The following SLC22A4 variants were observed in gnomAD, a reference collection of about 807,000 sequenced individuals.
The protein encoded by SLC22A4 is ET transporter.
A neutral mutation model predicts 56.6 loss-of-function variants in SLC22A4; 39 were observed. The ratio of observed to expected loss-of-function variants is 0.69; its 90% CI spans 0.53 to 0.90. The LOEUF (loss-of-function observed/expected upper bound fraction) is 0.90. Among genes scored for constraint, SLC22A4 ranks in the 40% least tolerant of loss-of-function variants. The pLI, the probability that SLC22A4 is intolerant of heterozygous loss-of-function variation, is 0.00. For missense variants in SLC22A4, 594 were observed against 696.5 expected, an observed-to-expected ratio of 0.85 and a Z score of 1.66; for synonymous variants, 241 against 281.4, an observed-to-expected ratio of 0.86 and a Z score of 1.44.
rs1750585587 is a variant in SLC22A4 at position 132,322,932 on chromosome 5, G to A, written c.824+577G>A. On this transcript the variant is annotated intron_variant, in intron 4 of 9. Coordinates refer to ENST00000200652, the MANE Select transcript of SLC22A4 (RefSeq NM_003059.3). ...ACACAACAGTTATAGGAATAACAAA[G>A]TTTGAAGATTCTGGCCTCAGTCTTG... Among the ~76,000 whole-genome samples the A allele has an allele frequency of 1.3e-5, 2 of 152,174 alleles. 1 individual carries two copies. Among genetic ancestry groups the A allele is most frequent in the South Asian group, 4.1e-4 (2 of 4,838 alleles).
chr5:132,321,145 C>T (rs923285499), intron 3 of SLC22A4, among the ~76,000 whole-genome samples: 1 of 152,236 alleles, frequency 6.6e-6, no homozygotes, highest in Non-Finnish European at 1.5e-5. Flanking sequence ...TCAGGGAAAG[C>T]ACTGTGAGTT....
intron 8 of SLC22A4, among the ~76,000 whole-genome samples, chr5:132,340,066 T>G (rs201511463): frequency 0.047 from 776 of 16,572 alleles, 2 homozygotes; most frequent in African/African-American, 0.13. Context: ...CTTAGTTGTT[T>G]TTTTTTTTTT....
chr5:132,296,897 T>G (rs1225433657), intron 1 of SLC22A4, among the ~76,000 whole-genome samples: 1 of 140,944 alleles, frequency 7.1e-6, no homozygotes, highest in Non-Finnish European at 1.5e-5. Context: ...CTACTCATGT[T>G]GTACGCTGTT....
At chr5:132,309,087 T>A (rs1750114752) in intron 1 of SLC22A4, among the ~76,000 whole-genome samples, 1 of 152,106 alleles carries the variant, frequency 6.6e-6, no homozygotes, top group Admixed American at 6.5e-5. Flanking sequence ...CCAAGACATA[T>A]CCCTCAAACC....
intron 1 of SLC22A4, chr5:132,295,304 T>C (rs1047019509): frequency 1.3e-5 from 8 of 621,576 alleles, no homozygotes; most frequent in Admixed American, 4.3e-5. Flanking sequence ...AGATGTTGCG[T>C]TGGGGGAAGC....
At chr5:132,326,608 T>C (rs1750696138) in intron 4 of SLC22A4, among the ~76,000 whole-genome samples, 2 of 152,236 alleles carry the variant, frequency 1.3e-5, no homozygotes, top group Non-Finnish European at 1.5e-5. Context: ...GCAACTGTGT[T>C]TGAGCATCAG....
At chr5:132,302,555 A>T (rs569920645) in intron 1 of SLC22A4, among the ~76,000 whole-genome samples, 31 of 152,202 alleles carry the variant, frequency 2.0e-4, no homozygotes, top group Non-Finnish European at 2.4e-4. Flanking sequence ...GGAATGACCC[A>T]CATGCTCTAG....
chr5:132,305,395 C>CA (rs1392218178), intron 1 of SLC22A4, among the ~76,000 whole-genome samples: 1 of 151,818 alleles, frequency 6.6e-6, no homozygotes, highest in Non-Finnish European at 1.5e-5. Flanking sequence ...GAAAACTTCC[C>CA]AAATTTGGTG....
chr5:132,319,348 G>A (rs1260958093), intron 3 of SLC22A4, among the ~76,000 whole-genome samples: 2 of 150,816 alleles, frequency 1.3e-5, no homozygotes, highest in Non-Finnish European at 3.0e-5. Context: ...AAAAATGACA[G>A]CAGGATATGG....
At chr5:132,305,181 A>G (rs1749996299) in intron 1 of SLC22A4, among the ~76,000 whole-genome samples, 1 of 152,224 alleles carries the variant, frequency 6.6e-6, no homozygotes, top group African/African-American at 2.4e-5. Flanking sequence ...TGAACAGGCA[A>G]AAGAAAGAAT....
intron 3 of SLC22A4, 126 bp from the exon 4 acceptor site, chr5:132,322,058 C>G: frequency 1.1e-6 from 1 of 871,386 alleles, no homozygotes; most frequent in Non-Finnish European, 1.9e-6. Context: ...TGCTCTGGGC[C>G]ATGAGGCAAA....
At chr5:132,339,718 C>T (rs1382602036) in intron 8 of SLC22A4, among the ~76,000 whole-genome samples, 2 of 152,154 alleles carry the variant, frequency 1.3e-5, no homozygotes. Flanking sequence ...GACACTGGTA[C>T]ATAAGACAGG....
chr5:132,308,638 C>T (rs79557798), intron 1 of SLC22A4, among the ~76,000 whole-genome samples: 3,283 of 151,966 alleles, frequency 0.022, 119 homozygotes, highest in African/African-American at 0.076. Flanking sequence ...CAAGAGTGAC[C>T]TCCTATCCCC....
In SLC22A4 at chr5:132,322,091, G is replaced by C. The variant is rs3761659; in HGVS notation, c.653-93G>C. The C allele has an allele frequency of 0.079, 90,691 of 1,146,206 alleles. 4,789 individuals carry two copies. The highest frequency in any genetic ancestry group is 0.29 in the East Asian group (11,908 of 41,184). The allele number at this position is 1,146,206 out of a possible 1,614,324, so 71.0% of individuals were successfully genotyped here. A position where few individuals can be genotyped will look rare whatever the true frequency, so the allele number is the denominator to read the frequency against. On this transcript the variant is annotated intron_variant, in intron 3 of 9. Coordinates refer to ENST00000200652, the MANE Select transcript of SLC22A4 (RefSeq NM_003059.3). The stretch of plus-strand genomic sequence containing the variant: ...AAATGCCTTTCCCCTTTTCTAAGTG[G>C]TGATAGTTTGAACTCTAACTGCCAC...
At chr5:132,329,475 T>C (rs948996415) in intron 5 of SLC22A4, among the ~76,000 whole-genome samples, 1 of 32,458 alleles carries the variant, frequency 3.1e-5, no homozygotes, top group Non-Finnish European at 6.4e-5. Context: ...TGCTCATGCT[T>C]TTTTTTTTTT....
chr5:132,318,881 C>T (rs992647392), intron 3 of SLC22A4, among the ~76,000 whole-genome samples: 13 of 152,078 alleles, frequency 8.5e-5, no homozygotes, highest in Admixed American at 4.6e-4. Flanking sequence ...AGGGATCCCC[C>T]GTCAGCACAG....
intron 3 of SLC22A4, among the ~76,000 whole-genome samples, chr5:132,318,318 C>G (rs36053960): frequency 6.6e-6 from 1 of 152,284 alleles, no homozygotes; most frequent in South Asian, 2.1e-4. Context: ...AGACACCCTC[C>G]TAGGCACTTT....
chr5:132,335,973 AT>A lies in SLC22A4; in HGVS notation c.1418del (p.Ile473ThrfsTer24). 1 of 1,614,150 alleles carries A rather than the reference AT, an allele frequency of 6.2e-7. No individual in the cohort carries two copies. On this transcript the variant is annotated frameshift_variant, in exon 8 of 10. Transcript: ENST00000200652. LOFTEE classifies it high-confidence loss of function. ...ATCCACGGCCTCCAGAGTGGGCAGCATCATTGCCCCCTACTTTGTTTACCTC... is the reference window on the plus strand; with the variant it reads ...ATCCACGGCCTCCAGAGTGGGCAGCACATTGCCCCCTACTTTGTTTACCTC... ...VTSTASRVGS[I>X]IAPYFVYLGA...
intron 3 of SLC22A4, chr5:132,320,824 A>G (rs272842): frequency 0.6 from 90,870 of 152,084 alleles, 27,737 homozygotes; most frequent in African/African-American, 0.65. Flanking sequence ...TTAAAAGGCA[A>G]GCATGAATGA....
Sources: gnomAD v4.1 joint callset for allele counts (sites outside exome capture counted in the v4.1 genomes callset) on GRCh38, gnomAD v4.1.1 for gene constraint, MANE v1.5 for transcripts, NCBI Gene and HGNC (gene_info 2026-07-23, HGNC 2026-07-21) for gene names.